The following AFG2A variants were observed in gnomAD, a reference collection of about 807,000 sequenced individuals.
The protein encoded by AFG2A is ATPase family gene 2 protein homolog A.
chr4:123,228,935 G>C, the AFG2A span, among the ~76,000 whole-genome samples: 1 of 151,906 alleles, frequency 6.6e-6, no homozygotes, highest in Non-Finnish European at 1.5e-5. Flanking sequence ...AAGCACATTA[G>C]ATATTCCAGG....
chr4:123,246,303 G>A, the AFG2A span, among the ~76,000 whole-genome samples: 1 of 152,156 alleles, frequency 6.6e-6, no homozygotes, highest in South Asian at 2.1e-4. Flanking sequence ...TATTATTCAT[G>A]TTCTAATTTA....
the AFG2A span, among the ~76,000 whole-genome samples, chr4:123,129,048 A>G: frequency 6.6e-6 from 1 of 152,218 alleles, no homozygotes; most frequent in Non-Finnish European, 1.5e-5. Flanking sequence ...TTGCTTAAAA[A>G]TATGTGGGAC....
chr4:122,945,497 A>C, the AFG2A span, among the ~76,000 whole-genome samples: 18 of 152,324 alleles, frequency 1.2e-4, no homozygotes, highest in Middle Eastern at 6.8e-3. Flanking sequence ...GCCCATCGGA[A>C]AAGCGCGGTA....
chr4:123,101,221 T>C, the AFG2A span, among the ~76,000 whole-genome samples: 2 of 151,900 alleles, frequency 1.3e-5, no homozygotes, highest in Non-Finnish European at 2.9e-5. Flanking sequence ...TGGAGATAAT[T>C]AGGGGATGTT....
chr4:123,252,281 TTG>T, the AFG2A span, among the ~76,000 whole-genome samples: 28 of 151,752 alleles, frequency 1.8e-4, no homozygotes, highest in African/African-American at 6.3e-4. Flanking sequence ...CCCCATGGAT[TTG>T]AACAGTCTGT....
At chr4:123,076,509 A>G in the AFG2A span, among the ~76,000 whole-genome samples, 1 of 151,750 alleles carries the variant, frequency 6.6e-6, no homozygotes, top group African/African-American at 2.4e-5. Flanking sequence ...TTTTTTAATT[A>G]TATGATGAAA....
chr4:123,240,468 A>G, the AFG2A span, among the ~76,000 whole-genome samples: 1 of 152,242 alleles, frequency 6.6e-6, no homozygotes, highest in Non-Finnish European at 1.5e-5. Flanking sequence ...CTCAGGATTA[A>G]GAAACTCACT....
the AFG2A span, among the ~76,000 whole-genome samples, chr4:123,118,316 A>ATATATATTATATATAAT: frequency 2.3e-5 from 3 of 129,336 alleles, no homozygotes; most frequent in Admixed American, 7.9e-5. Context: ...TATATATAAT[A>ATATATATTATATATAAT]TATATTATAT....
the AFG2A span, among the ~76,000 whole-genome samples, chr4:123,258,193 A>C: frequency 6.6e-6 from 1 of 152,172 alleles, no homozygotes; most frequent in Non-Finnish European, 1.5e-5. Context: ...GCTACATCTT[A>C]GTAGTTCTGT....
chr4:123,224,787 C>G, the AFG2A span, among the ~76,000 whole-genome samples: 223 of 152,312 alleles, frequency 1.5e-3, 1 homozygote, highest in African/African-American at 5.2e-3. Context: ...AATCACCACA[C>G]TGACTTCCAC....
chr4:122,974,228 T>A, the AFG2A span, among the ~76,000 whole-genome samples: 1 of 151,506 alleles, frequency 6.6e-6, no homozygotes, highest in Non-Finnish European at 1.5e-5. Context: ...ATGAAAATAA[T>A]GTATCATTTA....
the AFG2A span, among the ~76,000 whole-genome samples, chr4:123,164,232 C>G: frequency 2.0e-5 from 3 of 152,140 alleles, no homozygotes; most frequent in Admixed American, 6.5e-5. Flanking sequence ...CTTTCACAGC[C>G]CCAGTTCTTC....
At chr4:122,980,793 C>A in the AFG2A span, among the ~76,000 whole-genome samples, 2 of 151,906 alleles carry the variant, frequency 1.3e-5, no homozygotes, top group East Asian at 3.9e-4. Flanking sequence ...TGTACGTCTT[C>A]TTTTAACAAA....
the AFG2A span, among the ~76,000 whole-genome samples, chr4:123,119,785 A>G: frequency 1.3e-5 from 2 of 152,168 alleles, no homozygotes. Flanking sequence ...TTGCTAATAA[A>G]GACATACCTG....
At chr4:122,986,082 C>CCT in the AFG2A span, among the ~76,000 whole-genome samples, 2 of 152,042 alleles carry the variant, frequency 1.3e-5, no homozygotes, top group Non-Finnish European at 2.9e-5. Flanking sequence ...TTGCATGGTT[C>CCT]TGAAGGTTCC....
At chr4:123,088,716 G>A in the AFG2A span, among the ~76,000 whole-genome samples, 1 of 151,036 alleles carries the variant, frequency 6.6e-6, no homozygotes, top group Non-Finnish European at 1.5e-5. Context: ...CCCCCTTCGT[G>A]CTCTCTCTCT....
At chr4:123,052,293 TTTTG>T in the AFG2A span, among the ~76,000 whole-genome samples, 15 of 152,352 alleles carry the variant, frequency 9.8e-5, no homozygotes, top group Non-Finnish European at 1.6e-4. Context: ...TTTTGTTTGA[TTTTG>T]TTTATGATTT....
chr4:123,286,590 T>C, the AFG2A span, among the ~76,000 whole-genome samples: 4 of 152,358 alleles, frequency 2.6e-5, no homozygotes, highest in South Asian at 4.1e-4. Flanking sequence ...TACATGTTTT[T>C]ACTTACAAAA....
chr4:123,065,736 C>T, the AFG2A span, among the ~76,000 whole-genome samples: 1 of 151,982 alleles, frequency 6.6e-6, no homozygotes, highest in Admixed American at 6.6e-5. Context: ...ATGTAACTTA[C>T]TGAAGAAATA....
Sources: allele counts gnomAD v4.1 joint callset (sites outside exome capture counted in the v4.1 genomes callset), GRCh38; gene constraint gnomAD v4.1.1; transcripts MANE v1.5; gene names NCBI Gene and HGNC (gene_info 2026-07-23, HGNC 2026-07-21).